The following SHCBP1 variants were observed in gnomAD, a reference collection of about 807,000 sequenced individuals.
SHCBP1 encodes the protein SHC binding and spindle associated 1.
A neutral mutation model predicts 75.1 loss-of-function variants in SHCBP1; 60 were observed. That is an observed-to-expected ratio of 0.80 (90% confidence interval 0.65 to 0.99). The LOEUF is 0.99. Among genes scored for constraint, SHCBP1 ranks in the 50% least tolerant of loss-of-function variants. The pLI, the probability that SHCBP1 is intolerant of heterozygous loss-of-function variation, is 0.00. For synonymous variants in SHCBP1, 290 were observed against 293.2 expected (o/e 0.99, Z 0.11); for missense variants, 709 against 809.4 (o/e 0.88, Z 1.50).
At chr16:46,595,798 C>G in intron 9 of SHCBP1, 128 bp from the exon 10 acceptor site, 1 of 569,360 alleles carries the variant, frequency 1.8e-6, no homozygotes, top group Non-Finnish European at 3.0e-6. Context: ...ATTTTCTTAC[C>G]TAAATTACAA....
At chr16:46,583,867 C>G (rs1964909129) in intron 11 of SHCBP1, 136 bp downstream of exon 11, 1 of 903,530 alleles carries the variant, frequency 1.1e-6, no homozygotes, top group Admixed American at 2.8e-5. Flanking sequence ...AGATTCCAAT[C>G]ACTGATATTA....
chr16:46,603,715 G>C lies in SHCBP1; in HGVS notation c.1093-56C>G, dbSNP rs114469585. ...ATACACTCCCAAAAAAGTAATTTGA[G>C]TATTACTCTAGGTGACTTCATGTCT... On this transcript the variant is annotated intron_variant, in intron 7 of 12. Coordinates refer to ENST00000303383, the MANE Select transcript of SHCBP1 (RefSeq NM_024745.5). 4.4e-3 allele frequency: 7,069 copies of C among 1,600,990 alleles called. 309 individuals are homozygous for C. The African/African-American group carries it at 0.085, about 19-fold the overall frequency.
At position 46,616,098 on chromosome 16, in the gene SHCBP1, G is replaced by C; in HGVS notation, c.444C>G (p.Tyr148Ter). The C allele has an allele frequency of 6.2e-7, 1 of 1,614,192 alleles. No homozygotes were observed. The highest frequency in any genetic ancestry group is 2.2e-5 in the East Asian group (1 of 44,884). Reference sequence around the variant, plus strand: ...AAGTGCTCACTTGAGAGTCACAGAGGTATGGTTCAGCAAGCCTCACCACTG... The same window carrying C: ...AAGTGCTCACTTGAGAGTCACAGAGCTATGGTTCAGCAAGCCTCACCACTG... ...LKAVVRLAEP[Y>*]LCDSQVSTFT... The change falls in exon 4 of 13, where the codon TAC becomes TAG. Residue 148 changes from tyrosine to a stop codon, truncating the protein, a stop_gained. Coordinates refer to ENST00000303383, the MANE Select transcript of SHCBP1 (RefSeq NM_024745.5). LOFTEE classifies it high-confidence loss of function. This position sits in a 1 kb window ranked among gnomAD's most constrained non-coding sequence, Gnocchi z 4.4.
chr16:46,589,188 G>A (rs1370829119), intron 10 of SHCBP1, among the ~76,000 whole-genome samples: 1 of 152,006 alleles, frequency 6.6e-6, no homozygotes, highest in Non-Finnish European at 1.5e-5. Context: ...AATAAGAGCT[G>A]TTTATGACAA....
chr16:46,588,363 A>G (rs1964986167), intron 10 of SHCBP1, among the ~76,000 whole-genome samples: 1 of 152,222 alleles, frequency 6.6e-6, no homozygotes, highest in Non-Finnish European at 1.5e-5. Context: ...ACCCTTCAAA[A>G]AATCAATGAA....
At chr16:46,587,502 A>C (rs887523701) in intron 10 of SHCBP1, among the ~76,000 whole-genome samples, 5 of 152,198 alleles carry the variant, frequency 3.3e-5, no homozygotes, top group Non-Finnish European at 7.4e-5. Context: ...TGACTCAACT[A>C]TATGCTGTCT....
Position 46,579,463 on chromosome 16 carries a change from T to C in SHCBP1, c.*2266A>G, listed in dbSNP as rs1596664504. Among the ~76,000 whole-genome samples, 1 of 152,152 alleles carries C rather than the reference T, an allele frequency of 6.6e-6. No individual in the cohort carries two copies. The highest frequency in any genetic ancestry group is 1.9e-4 in the East Asian group (1 of 5,200). On this transcript the variant is annotated 3_prime_UTR_variant, in exon 13 of 13. Coordinates refer to ENST00000303383, the MANE Select transcript of SHCBP1 (RefSeq NM_024745.5). ...ATGAAATCTGAAAAACTCCATGTTA[T>C]AAAAAGAAACAAGGAAGGTATAAAT...
chr16:46,586,584 G>C (rs1964957706), intron 10 of SHCBP1, among the ~76,000 whole-genome samples: 2 of 152,140 alleles, frequency 1.3e-5, no homozygotes, highest in Admixed American at 1.3e-4. Context: ...GCAGGATTTG[G>C]ATAATAAGCC....
chr16:46,589,920 T>C (rs1434465584), intron 10 of SHCBP1, among the ~76,000 whole-genome samples: 2 of 152,162 alleles, frequency 1.3e-5, no homozygotes, highest in Non-Finnish European at 1.5e-5. Context: ...CTTCAAACTA[T>C]ACTACAAGAC....
intron 9 of SHCBP1, among the ~76,000 whole-genome samples, chr16:46,598,837 G>C (rs1452352555): frequency 1.3e-5 from 2 of 152,208 alleles, no homozygotes; most frequent in Non-Finnish European, 2.9e-5. Flanking sequence ...ACCTTAGCTA[G>C]ATCTTCTGGT....
intron 4 of SHCBP1, among the ~76,000 whole-genome samples, chr16:46,615,350 G>A (rs1315907437): frequency 6.6e-6 from 1 of 152,084 alleles, no homozygotes; most frequent in African/African-American, 2.4e-5. Flanking sequence ...GGGGTGGGGG[G>A]AGATAGGCAC....
chr16:46,603,764 A>G (rs1176541857), intron 7 of SHCBP1, 105 bp from the exon 8 acceptor site: 3 of 1,468,366 alleles, frequency 2.0e-6, no homozygotes, highest in Non-Finnish European at 2.8e-6. Flanking sequence ...GAAGCCAAAA[A>G]CTGCATATTG....
rs1472698848 is a variant in SHCBP1 at position 46,581,608 on chromosome 16, A to T, written c.*121T>A. ...GCAAATGGAAATAAATCTACCTTTC[A>T]CTCAAGCCCAAATAATCAAATATAA... On this transcript the variant is annotated 3_prime_UTR_variant, in exon 13 of 13. Transcript: ENST00000303383. 2.2e-6 allele frequency: 2 copies of T among 910,090 alleles called. No homozygotes were observed. The highest frequency in any genetic ancestry group is 3.4e-6 in the Non-Finnish European group (2 of 596,050). 56.4% of individuals were successfully genotyped at this position (910,090 alleles called of 1,614,324 possible).
rs556780260 is a variant in SHCBP1, at chr16:46,585,053, A to G, written c.1465-964T>C. On this transcript the variant is annotated intron_variant, in intron 10 of 12. Transcript: ENST00000303383. ...ATGTGCTAATTGTGTCTTCTAAGAGATTTTCAGTTTGGGGTTATGTGCAAA... is the reference window on the plus strand; with the variant it reads ...ATGTGCTAATTGTGTCTTCTAAGAGGTTTTCAGTTTGGGGTTATGTGCAAA... Among the ~76,000 whole-genome samples the G allele has an allele frequency of 3.9e-5, 6 of 152,194 alleles. No individual in the cohort carries two copies. The South Asian group carries it at 1.2e-3, about 32-fold the overall frequency.
At chr16:46,588,728 A>C (rs1335104105) in intron 10 of SHCBP1, among the ~76,000 whole-genome samples, 1 of 152,218 alleles carries the variant, frequency 6.6e-6, no homozygotes, top group Non-Finnish European at 1.5e-5. Context: ...TTCACAGCCG[A>C]ATTCTACCAG....
chr16:46,590,424 G>A (rs1193922068), intron 10 of SHCBP1, among the ~76,000 whole-genome samples: 3 of 152,010 alleles, frequency 2.0e-5, no homozygotes, highest in Non-Finnish European at 4.4e-5. Context: ...CCATCTGACA[G>A]AGGGCTAATA....
At chr16:46,608,729 G>A (rs542404289) in intron 4 of SHCBP1, among the ~76,000 whole-genome samples, 3 of 149,598 alleles carry the variant, frequency 2.0e-5, no homozygotes, top group Admixed American at 6.8e-5. Context: ...TCAGCCTCCC[G>A]AGTAGCTGAG....
intron 10 of SHCBP1, among the ~76,000 whole-genome samples, chr16:46,593,954 A>G (rs1226828105): frequency 6.6e-6 from 1 of 152,206 alleles, no homozygotes; most frequent in Non-Finnish European, 1.5e-5. Context: ...CAATTTTGAA[A>G]AAAACAAAGT....
intron 10 of SHCBP1, among the ~76,000 whole-genome samples, chr16:46,589,739 T>C (rs922334805): frequency 1.3e-5 from 2 of 152,148 alleles, no homozygotes; most frequent in African/African-American, 2.4e-5. Flanking sequence ...AAAATGGCCA[T>C]ACTGCCCAAG....
Sources: gnomAD v4.1 joint callset for allele counts (sites outside exome capture counted in the v4.1 genomes callset) on GRCh38, gnomAD v4.1.1 for gene constraint, Gnocchi (gnomAD v3.1) non-coding constraint, MANE v1.5 for transcripts, NCBI Gene and HGNC (gene_info 2026-07-23, HGNC 2026-07-21) for gene names.